ELAPOR2: variants seen among roughly 807,000 people sequenced by gnomAD.
ELAPOR2 encodes endosome/lysosome-associated apoptosis and autophagy regulator family member 2.
Under a neutral mutation model 120.7 loss-of-function variants are expected in ELAPOR2, and 89 were observed. The ratio of observed to expected loss-of-function variants is 0.74; its 90% CI spans 0.62 to 0.88. The LOEUF (loss-of-function observed/expected upper bound fraction) is 0.88. Ranked by LOEUF, ELAPOR2 falls within the 40% of genes least tolerant of loss-of-function variation. The pLI, the probability that ELAPOR2 is intolerant of heterozygous loss-of-function variation, is 0.00. For missense variants in ELAPOR2, 1,134 were observed against 1,251.6 expected (o/e 0.91, Z 1.42); for synonymous variants, 444 against 444.9 (o/e 1.00, Z 0.03).
chr7:86,904,534 A>G (rs981623179), intron 18 of ELAPOR2, among the ~76,000 whole-genome samples: 1 of 152,136 alleles, frequency 6.6e-6, no homozygotes, highest in African/African-American at 2.4e-5. Context: ...TGCCACAAAC[A>G]CTGTACCGTT....
At chr7:87,013,191 A>G (rs945088543) in intron 1 of ELAPOR2, among the ~76,000 whole-genome samples, 4 of 152,222 alleles carry the variant, frequency 2.6e-5, no homozygotes, top group African/African-American at 9.6e-5. Context: ...TTCAATTTCA[A>G]TAGAAGAGAA....
intron 1 of ELAPOR2, among the ~76,000 whole-genome samples, chr7:87,033,706 G>C (rs1203374179): frequency 1.3e-5 from 2 of 151,772 alleles, no homozygotes; most frequent in African/African-American, 4.8e-5. Context: ...AAATAAGTGA[G>C]AACAGCTGAG....
At chr7:86,901,527 C>G (rs1191041455) in intron 18 of ELAPOR2, among the ~76,000 whole-genome samples, 5 of 152,260 alleles carry the variant, frequency 3.3e-5, no homozygotes, top group Admixed American at 1.3e-4. Flanking sequence ...ACTTTTTGCA[C>G]AGTTTATAAT....
chr7:86,914,820 C>T lies in ELAPOR2; in HGVS notation c.1634G>A (p.Gly545Asp), dbSNP rs1464460737. ...RKSTNVVESWGGTKEKQAYTH... is the reference protein window; with the variant it reads ...RKSTNVVESWDGTKEKQAYTH... ...GTAAGCTTGTTTTTCTTTGGTTCCA[C>T]CCCACGATTCTACCACATTTGTACT... The change falls in exon 13 of 22, where the codon GGT (glycine) becomes GAT (aspartate). Residue 545 changes from glycine to aspartate, a missense_variant. Transcript: ENST00000450689. 6.2e-7 allele frequency: 1 copy of T among 1,611,464 alleles called. No individual in the cohort carries two copies. Among genetic ancestry groups the T allele is most frequent in the East Asian group, 2.2e-5 (1 of 44,714 alleles).
intron 2 of ELAPOR2, among the ~76,000 whole-genome samples, chr7:86,955,042 A>C (rs1217108759): frequency 6.6e-6 from 1 of 152,118 alleles, no homozygotes; most frequent in East Asian, 1.9e-4. Flanking sequence ...TAAAACTTTA[A>C]GTGCCTGCCA....
intron 5 of ELAPOR2, 45 bp from the exon 6 acceptor site, chr7:86,940,160 C>A (rs777806815): frequency 4.8e-6 from 6 of 1,242,282 alleles, no homozygotes; most frequent in African/African-American, 4.5e-5. Context: ...TAAGCCATGC[C>A]ATTTCCAAAA....
intron 2 of ELAPOR2, among the ~76,000 whole-genome samples, chr7:86,950,167 A>G (rs1791185453): frequency 6.6e-6 from 1 of 152,194 alleles, no homozygotes; most frequent in Non-Finnish European, 1.5e-5. Context: ...CCTGCTTATG[A>G]AGAGGAGCTA....
intron 1 of ELAPOR2, among the ~76,000 whole-genome samples, chr7:87,044,929 C>G (rs941541484): frequency 6.8e-6 from 1 of 147,650 alleles, no homozygotes; most frequent in African/African-American, 2.6e-5. Flanking sequence ...CAAACAACCC[C>G]ATCAAAAAGT....
rs545887969 is a variant in ELAPOR2, at chr7:87,059,339, G to A, written c.175C>T (p.Pro59Ser). The A allele has an allele frequency of 1.0e-5, 13 of 1,248,400 alleles. No individual in the cohort carries two copies. In the African/African-American group the frequency reaches 1.9e-4, roughly 18 times the overall value. The allele number at this position is 1,248,400 out of a possible 1,614,324, so 77.3% of individuals were successfully genotyped here. Residue 59 changes from proline (P) to serine (S), a missense_variant, in exon 1 of 22, where the codon CCT (proline) becomes TCT (serine). Physicochemically the swap from Pro to Ser is moderately conservative, Grantham distance 74 (BLOSUM62 -1). Transcript: ENST00000450689. ...GTGCTGCTCACCTCCTGGCAAGGAGGAAGCGGGCGGCTGGAGGAGGAGGGC... is the reference window on the plus strand; with the variant it reads ...GTGCTGCTCACCTCCTGGCAAGGAGAAAGCGGGCGGCTGGAGGAGGAGGGC... ...DLPSSSSRPL[P>S]PCQEKDYHFE...
At chr7:87,048,002 T>C (rs1032609621) in intron 1 of ELAPOR2, among the ~76,000 whole-genome samples, 7 of 151,996 alleles carry the variant, frequency 4.6e-5, no homozygotes, top group Non-Finnish European at 1.0e-4. Context: ...TCCCAGAACT[T>C]TGGGAGGCTG....
intron 12 of ELAPOR2, among the ~76,000 whole-genome samples, chr7:86,917,110 T>C (rs941465073): frequency 1.3e-5 from 2 of 151,720 alleles, no homozygotes; most frequent in African/African-American, 4.8e-5. Flanking sequence ...CAGCCTCTAC[T>C]GTTCCTTTTA....
intron 1 of ELAPOR2, among the ~76,000 whole-genome samples, chr7:87,057,462 T>A (rs962011051): frequency 4.6e-5 from 7 of 152,214 alleles, no homozygotes; most frequent in Non-Finnish European, 8.8e-5. Context: ...GATCTGTGCA[T>A]TAACATTTAT....
chr7:86,985,369 G>A (rs1792686322), intron 1 of ELAPOR2, among the ~76,000 whole-genome samples: 2 of 152,118 alleles, frequency 1.3e-5, no homozygotes, highest in South Asian at 4.1e-4. Flanking sequence ...AGATACCAAA[G>A]CCTGGCAGAG....
At chr7:87,003,621 T>C (rs1428263254) in intron 1 of ELAPOR2, among the ~76,000 whole-genome samples, 1 of 152,082 alleles carries the variant, frequency 6.6e-6, no homozygotes, top group East Asian at 1.9e-4. Flanking sequence ...GAACTGTGAG[T>C]CAATTAAGCC....
intron 19 of ELAPOR2, among the ~76,000 whole-genome samples, chr7:86,895,899 G>T (rs951618509): frequency 6.6e-6 from 1 of 152,072 alleles, no homozygotes; most frequent in East Asian, 1.9e-4. Context: ...AGGTAAAGAA[G>T]AATTTCTATT....
At chr7:86,945,948 A>C (rs1790983052) in intron 3 of ELAPOR2, among the ~76,000 whole-genome samples, 1 of 152,064 alleles carries the variant, frequency 6.6e-6, no homozygotes, top group South Asian at 2.1e-4. Context: ...CTATATATTT[A>C]TTATATAAAT....
rs534780941 is a variant in ELAPOR2, at chr7:87,053,075, G to A, written c.189+6250C>T. On this transcript the variant is annotated intron_variant, in intron 1 of 21. Transcript: ENST00000450689. ...AGCCTTCCAAAGTGTTGGGATTACAGGTGTGGGCCACCTCGCCCAAACTGA... is the reference window on the plus strand; with the variant it reads ...AGCCTTCCAAAGTGTTGGGATTACAAGTGTGGGCCACCTCGCCCAAACTGA... Among the ~76,000 whole-genome samples, 25 of 152,244 alleles carry A rather than the reference G, an allele frequency of 1.6e-4. No individual in the cohort carries two copies. In the East Asian group the frequency reaches 4.2e-3, roughly 26 times the overall value.
Position 86,945,056 on chromosome 7 carries a change from CAA to C in ELAPOR2, c.507-12_507-11del. On this transcript the variant is annotated splice_polypyrimidine_tract_variant and intron_variant, in intron 3 of 21. Coordinates refer to ENST00000450689, the MANE Select transcript of ELAPOR2 (RefSeq NM_001142749.3). Reference sequence around the variant, plus strand: ...AGGGATCCAAGAAGAGCTGTGGAAACAAAACCAAGAAGCACTTTACATTAATG... The same window carrying C: ...AGGGATCCAAGAAGAGCTGTGGAAACAACCAAGAAGCACTTTACATTAATG... The C allele has an allele frequency of 6.5e-7, 1 of 1,546,072 alleles. No homozygotes were observed. The highest frequency in any genetic ancestry group is 8.7e-7 in the Non-Finnish European group (1 of 1,145,456).
chr7:86,974,834 G>A (rs1454965030), intron 1 of ELAPOR2, among the ~76,000 whole-genome samples: 1 of 152,050 alleles, frequency 6.6e-6, no homozygotes, highest in Non-Finnish European at 1.5e-5. Flanking sequence ...TGGGACATGG[G>A]AAAATTCAAA....
Sources: allele counts gnomAD v4.1 joint callset (sites outside exome capture counted in the v4.1 genomes callset), GRCh38; gene constraint gnomAD v4.1.1; transcripts MANE v1.5; gene names NCBI Gene and HGNC (gene_info 2026-07-23, HGNC 2026-07-21).